Variants in ASIC2 observed in about 807,000 individuals in gnomAD.
ASIC2 encodes acid sensing ion channel subunit 2, also known as acid-sensing ion channel 2.
A neutral mutation model predicts 57.3 loss-of-function variants in ASIC2; 25 were observed. That is an observed-to-expected ratio of 0.44 (90% CI 0.32 to 0.61). The LOEUF (loss-of-function observed/expected upper bound fraction) is 0.61, where lower values mean the gene tolerates loss of function less well. Among genes scored for constraint, ASIC2 ranks in the 20% least tolerant of loss-of-function variants. The pLI is 0.06. For synonymous variants in ASIC2, 319 were observed against 307.5 expected (o/e 1.04, Z -0.39); for missense variants, 641 against 738.1 (o/e 0.87, Z 1.52).
chr17:33,955,250 G>A (rs1904697954), intron 1 of ASIC2: 1 of 152,202 alleles, frequency 6.6e-6, no homozygotes, highest in South Asian at 2.1e-4. Context: ...TATGGCCAAT[G>A]AAGGGTCACC....
chr17:33,822,880 T>C (rs1912789880), intron 1 of ASIC2, among the ~76,000 whole-genome samples: 1 of 152,170 alleles, frequency 6.6e-6, no homozygotes, highest in African/African-American at 2.4e-5. Context: ...AGCAGCATGG[T>C]TGAAAATGGA....
intron 1 of ASIC2, among the ~76,000 whole-genome samples, chr17:33,823,863 G>GT (rs1311234230): frequency 6.6e-6 from 1 of 152,144 alleles, no homozygotes; most frequent in Non-Finnish European, 1.5e-5. Context: ...CTTTCTGTTG[G>GT]TTTATTTGGT....
At chr17:33,643,157 C>CG (rs879402859) in intron 1 of ASIC2, among the ~76,000 whole-genome samples, 274 of 146,390 alleles carry the variant, frequency 1.9e-3, no homozygotes, top group South Asian at 0.01. Flanking sequence ...TCCCCCCCCC[C>CG]ACATTTGAAC....
chr17:33,725,380 A>G (rs945605859), intron 1 of ASIC2, among the ~76,000 whole-genome samples: 3 of 152,224 alleles, frequency 2.0e-5, no homozygotes, highest in Admixed American at 2.0e-4. Context: ...TCTGTAGGGC[A>G]GGGACTTAGT....
At chr17:34,034,003 T>A (rs59164428) in intron 1 of ASIC2, among the ~76,000 whole-genome samples, 2,046 of 152,300 alleles carry the variant, frequency 0.013, 45 homozygotes, top group East Asian at 0.062. Context: ...CCTCCCTAAC[T>A]CATTTTATGA....
intron 1 of ASIC2, among the ~76,000 whole-genome samples, chr17:34,094,061 A>C (rs970819113): frequency 1.3e-5 from 2 of 152,194 alleles, no homozygotes; most frequent in African/African-American, 4.8e-5. Flanking sequence ...CAGGAGGAAG[A>C]AGAACGAACT....
At position 33,374,410 on chromosome 17, in the gene ASIC2, A is replaced by C. The variant is rs903744783; in HGVS notation, c.556-262343T>G. ...CACCCCCAAGAGGTGGACTCAGTGC[A>C]CGAGGATGGTTTTCCACACCCCTAT... is the stretch of plus-strand genomic sequence containing the variant. On this transcript the variant is annotated intron_variant, in intron 1 of 9. Coordinates refer to the ASIC2 transcript ENST00000359872. 2.0e-5 allele frequency among the ~76,000 whole-genome samples: 3 copies of C among 152,282 alleles called. No homozygotes were observed. The East Asian group carries it at 5.8e-4, about 29-fold the overall frequency.
intron 1 of ASIC2, among the ~76,000 whole-genome samples, chr17:33,153,815 C>T (rs1326880963): frequency 1.3e-5 from 2 of 152,180 alleles, no homozygotes; most frequent in African/African-American, 4.8e-5. Context: ...CTTCCAGAGA[C>T]AGCCCACGTC....
At chr17:33,598,905 G>A (rs1485917352) in intron 1 of ASIC2, among the ~76,000 whole-genome samples, 2 of 152,214 alleles carry the variant, frequency 1.3e-5, no homozygotes, top group Admixed American at 6.5e-5. Context: ...TTGTCAGGGA[G>A]TCTGAGACTG....
At chr17:33,785,814 A>G (rs185648769) in intron 1 of ASIC2, among the ~76,000 whole-genome samples, 134 of 152,316 alleles carry the variant, frequency 8.8e-4, no homozygotes, top group African/African-American at 3.1e-3. Flanking sequence ...TGACTCCAAC[A>G]TAGCACAGAC....
chr17:33,040,923 C>A (rs1183420054), intron 3 of ASIC2, among the ~76,000 whole-genome samples: 1 of 152,148 alleles, frequency 6.6e-6, no homozygotes, highest in African/African-American at 2.4e-5. Context: ...GCCCAACCAG[C>A]TGAGTGGTCC....
At chr17:33,923,480 A>G (rs540869943) in intron 1 of ASIC2, among the ~76,000 whole-genome samples, 3 of 152,386 alleles carry the variant, frequency 2.0e-5, no homozygotes, top group Middle Eastern at 3.4e-3. Flanking sequence ...AGAGACCACA[A>G]GGAAGAAACA....
At chr17:33,775,655 C>A (rs1268075274) in intron 1 of ASIC2, among the ~76,000 whole-genome samples, 1 of 152,048 alleles carries the variant, frequency 6.6e-6, no homozygotes, top group Non-Finnish European at 1.5e-5. Flanking sequence ...AGCACATGTG[C>A]ATGTTTGTGG....
intron 1 of ASIC2, among the ~76,000 whole-genome samples, chr17:33,989,310 G>A (rs1415073582): frequency 6.6e-6 from 1 of 152,072 alleles, no homozygotes; most frequent in East Asian, 1.9e-4. Flanking sequence ...AAGCTCAGTG[G>A]AGAAAGCAGG....
intron 1 of ASIC2, among the ~76,000 whole-genome samples, chr17:33,170,946 T>A (rs572417505): frequency 6.6e-6 from 1 of 152,326 alleles, no homozygotes; most frequent in South Asian, 2.1e-4. Context: ...TTCACTTGAC[T>A]TAGATCTGCC....
intron 1 of ASIC2, among the ~76,000 whole-genome samples, chr17:33,847,678 G>C (rs1273100116): frequency 6.6e-6 from 1 of 152,118 alleles, no homozygotes; most frequent in African/African-American, 2.4e-5. Flanking sequence ...TGCATGCCAG[G>C]GTGCAAATAA....
At chr17:34,054,210 A>C (rs1908676261) in intron 1 of ASIC2, among the ~76,000 whole-genome samples, 1 of 152,230 alleles carries the variant, frequency 6.6e-6, no homozygotes, top group African/African-American at 2.4e-5. Context: ...CTCTGTCATA[A>C]TCAGTGTTTT....
chr17:33,748,853 C>A (rs1910343193), intron 1 of ASIC2, among the ~76,000 whole-genome samples: 2 of 152,248 alleles, frequency 1.3e-5, no homozygotes, highest in Non-Finnish European at 1.5e-5. Flanking sequence ...GGAACGCATG[C>A]ATGCGAGAGC....
intron 1 of ASIC2, among the ~76,000 whole-genome samples, chr17:33,632,274 TG>T (rs776899140): frequency 1.3e-5 from 2 of 152,164 alleles, no homozygotes; most frequent in Non-Finnish European, 2.9e-5. Flanking sequence ...CTAATGTTAG[TG>T]AAATAATTTA....
Sources: gnomAD v4.1 joint callset for allele counts (sites outside exome capture counted in the v4.1 genomes callset) on GRCh38, gnomAD v4.1.1 for gene constraint, MANE v1.5 for transcripts, NCBI Gene and HGNC (gene_info 2026-07-23, HGNC 2026-07-21) for gene names.